Variants in BIN2 observed in about 807,000 individuals in gnomAD.
The protein encoded by BIN2 is breast cancer associated protein BRAP1.
Under a neutral mutation model 67.9 loss-of-function variants are expected in BIN2, and 43 were observed. The observed-to-expected ratio is 0.63, with a 90% CI of 0.50 to 0.82. The LOEUF is 0.82. Ranked by LOEUF, BIN2 falls within the 40% of genes least tolerant of loss-of-function variation. BIN2 has a pLI of 0.00. For synonymous variants in BIN2, 244 were observed against 246.8 expected (o/e 0.99, Z 0.11); for missense variants, 581 against 671.6 (o/e 0.87, Z 1.49).
At chr12:51,324,435 C>T, upstream of BIN2, 1 of 1,460,472 alleles carries the variant, frequency 6.8e-7, no homozygotes, top group Non-Finnish European at 9.0e-7. Flanking sequence ...AGCCAGTTCC[C>T]ATCACGCTGA....
At chr12:51,283,592 A>C (rs1299610537) in intron 12 of BIN2, among the ~76,000 whole-genome samples, 1 of 152,192 alleles carries the variant, frequency 6.6e-6, no homozygotes, top group East Asian at 1.9e-4. Context: ...GAACTACTAC[A>C]GGCACATGCC....
At chr12:51,311,168 C>A (rs553619242) in intron 2 of BIN2, among the ~76,000 whole-genome samples, 4 of 151,134 alleles carry the variant, frequency 2.6e-5, no homozygotes, top group African/African-American at 7.3e-5. Context: ...ACAATCACAG[C>A]TCACTGCTCA....
intron 2 of BIN2, 144 bp downstream of exon 2, chr12:51,313,679 A>T: frequency 1.5e-6 from 1 of 674,576 alleles, no homozygotes; most frequent in East Asian, 2.7e-5. Context: ...GATAAGCAAC[A>T]GGTCACCCTG....
rs1484994943 is a variant in BIN2 at position 51,284,743 on chromosome 12, G to C, written c.1641C>G (p.Asn547Lys). ...LQVSMVPENN[N>K]LTAPEPQEEV... is the part of the protein sequence containing the mutation. Reference sequence around the variant, plus strand: ...CTTCTTGAGGTTCAGGTGCTGTGAGGTTGTTGTTTTCTGGTACCATGGAGA... The same window carrying C: ...CTTCTTGAGGTTCAGGTGCTGTGAGCTTGTTGTTTTCTGGTACCATGGAGA... The change falls in exon 12 of 13, where the codon AAC becomes AAG. Residue 547 changes from asparagine to lysine, a missense_variant. Asn to Lys is a moderately conservative substitution (Grantham distance 94). Transcript: ENST00000615107. 2.5e-6 allele frequency: 4 copies of C among 1,613,272 alleles called. No homozygotes were observed. Among genetic ancestry groups the C allele is most frequent in the African/African-American group, 1.3e-5 (1 of 75,008 alleles).
chr12:51,291,540 C>A, intron 10 of BIN2, 51 bp downstream of exon 10: 2 of 1,505,316 alleles, frequency 1.3e-6, no homozygotes, highest in South Asian at 2.7e-5. Flanking sequence ...GAGACCCTAG[C>A]TTAAATAAAT....
chr12:51,319,380 A>G (rs1291373076), intron 1 of BIN2, among the ~76,000 whole-genome samples: 1 of 152,238 alleles, frequency 6.6e-6, no homozygotes, highest in Non-Finnish European at 1.5e-5. Flanking sequence ...ATTTGTTGCC[A>G]TAAGCAACAG....
intron 9 of BIN2, 26 bp downstream of exon 9, chr12:51,295,770 G>A: frequency 6.2e-7 from 1 of 1,603,852 alleles, no homozygotes; most frequent in South Asian, 1.1e-5. Flanking sequence ...GACAAGCGAA[G>A]CAAAAAAGTC....
chr12:51,306,093 C>T (rs1369902229), intron 2 of BIN2, among the ~76,000 whole-genome samples: 1 of 152,002 alleles, frequency 6.6e-6, no homozygotes, highest in Admixed American at 6.6e-5. Flanking sequence ...ACCTCGGCCT[C>T]CCAAAGTGCT....
upstream of BIN2, chr12:51,324,426 GCCAGTTC>G: frequency 7.0e-7 from 1 of 1,438,268 alleles, no homozygotes; most frequent in Non-Finnish European, 9.2e-7. Context: ...GCTCCGGAAA[GCCAGTTC>G]CCATCACGCT....
chr12:51,288,313 G>C, intron 10 of BIN2, 125 bp from the exon 11 acceptor site: 1 of 688,776 alleles, frequency 1.5e-6, no homozygotes, highest in Non-Finnish European at 2.6e-6. Flanking sequence ...GCCTTGGTCA[G>C]ACACAGGCAG....
In BIN2 at chr12:51,320,801, AGAG is replaced by A. The variant is rs151063778; in HGVS notation, c.81+3218_81+3220del. 9.0e-3 allele frequency among the ~76,000 whole-genome samples: 1,368 copies of A among 152,196 alleles called. 28 individuals are homozygous for A. Among genetic ancestry groups the A allele is most frequent in the African/African-American group, 0.031 (1,291 of 41,534 alleles). On this transcript the variant is annotated intron_variant, in intron 1 of 12. Transcript: ENST00000615107. ...GGATTTAAGCTGAGTAGATGTCAAC[AGAG>A]GAGAAGACCAACAAAGGAGTGGTAA...
chr12:51,317,095 C>T (rs1482027191), intron 1 of BIN2, among the ~76,000 whole-genome samples: 2 of 151,984 alleles, frequency 1.3e-5, no homozygotes, highest in Admixed American at 6.6e-5. Flanking sequence ...AGGCTGCTCT[C>T]GAATTCCCGA....
chr12:51,323,771 G>A (rs1303988664), intron 1 of BIN2, among the ~76,000 whole-genome samples: 1 of 152,242 alleles, frequency 6.6e-6, no homozygotes, highest in Non-Finnish European at 1.5e-5. Flanking sequence ...TCTGCCCAGA[G>A]ACTGTTGTCT....
At chr12:51,313,760 T>G in intron 2 of BIN2, 63 bp downstream of exon 2, 2 of 1,419,402 alleles carry the variant, frequency 1.4e-6, no homozygotes, top group Non-Finnish European at 2.0e-6. Context: ...ATTGTTCTTC[T>G]GCCACTCAGC....
intron 1 of BIN2, among the ~76,000 whole-genome samples, chr12:51,317,081 G>A (rs960845975): frequency 6.6e-6 from 1 of 151,906 alleles, no homozygotes; most frequent in African/African-American, 2.4e-5. Context: ...TCTCCATGTT[G>A]GTCAGGCTGC....
chr12:51,314,682 C>T (rs964567461), intron 1 of BIN2, among the ~76,000 whole-genome samples: 1 of 151,748 alleles, frequency 6.6e-6, no homozygotes, highest in African/African-American at 2.4e-5. Flanking sequence ...GCCTGTAATC[C>T]CAGCTACTGG....
chr12:51,302,955 A>G, intron 3 of BIN2, 132 bp downstream of exon 3: 1 of 1,225,038 alleles, frequency 8.2e-7, no homozygotes, highest in Non-Finnish European at 1.2e-6. Context: ...CTCAGCCCAC[A>G]AAATTCCAGG....
At chr12:51,320,827 T>C (rs1946252252) in intron 1 of BIN2, among the ~76,000 whole-genome samples, 1 of 151,628 alleles carries the variant, frequency 6.6e-6, no homozygotes, top group African/African-American at 2.4e-5. Flanking sequence ...AAAGGAGTGG[T>C]AAACAACGCC....
At chr12:51,324,539 T>C (rs550149441), upstream of BIN2, 85 of 1,529,754 alleles carry the variant, frequency 5.6e-5, no homozygotes, top group South Asian at 9.6e-4. Context: ...TTAGGTTCTC[T>C]GAGTATGCAT....
Sources: allele counts gnomAD v4.1 joint callset (sites outside exome capture counted in the v4.1 genomes callset), GRCh38; gene constraint gnomAD v4.1.1; transcripts MANE v1.5; gene names NCBI Gene and HGNC (gene_info 2026-07-23, HGNC 2026-07-21).